Variants in INTS1 observed in about 807,000 individuals in gnomAD.
INTS1 encodes the protein integrator complex subunit 1.
INTS1 carries 137 observed loss-of-function variants against 241.6 expected under a neutral mutation model. The ratio of observed to expected loss-of-function variants is 0.57; its 90% CI spans 0.49 to 0.65. INTS1 has a LOEUF of 0.65. INTS1 is among the 30% of genes least tolerant of loss of function. The probability of loss-of-function intolerance (pLI) is 0.00; values close to 1 mark genes in which losing one functional copy is unlikely to be tolerated. For missense variants in INTS1, 3,073 were observed against 3,032.2 expected (o/e 1.01, Z -0.32); for synonymous variants, 1,692 against 1,337.8 (o/e 1.26, Z -5.78).
At position 1,495,347 on chromosome 7, in the gene INTS1, G is replaced by A; in HGVS notation, c.1832+86C>T. ...GGCCTGGCTTGTCCTGGCTCAGTGGGGTTTGGGGCAGGGGTTGTGCGGGGC... is the reference window on the plus strand; with the variant it reads ...GGCCTGGCTTGTCCTGGCTCAGTGGAGTTTGGGGCAGGGGTTGTGCGGGGC... On this transcript the variant is annotated intron_variant, in intron 13 of 47. Transcript: ENST00000404767. 4 of 1,489,524 alleles carry A rather than the reference G, an allele frequency of 2.7e-6. No homozygotes were observed. In the East Asian group the frequency reaches 6.9e-5, roughly 26 times the overall value. 92.3% of individuals were successfully genotyped at this position (1,489,524 alleles called of 1,614,324 possible).
intron 12 of INTS1, 35 bp downstream of exon 12, chr7:1,496,121 C>T (rs1008843401): frequency 1.7e-5 from 26 of 1,560,790 alleles, no homozygotes; most frequent in Non-Finnish European, 2.3e-5. Flanking sequence ...CCGAGACCCC[C>T]ACCAAGCAGG....
chr7:1,470,773 G>T, intron 47 of INTS1, 73 bp downstream of exon 47: 1 of 1,473,640 alleles, frequency 6.8e-7, no homozygotes, highest in Non-Finnish European at 9.1e-7. Flanking sequence ...ACTCCCAAGA[G>T]CCAGCCCTCG....
At position 1,499,026 on chromosome 7, in the gene INTS1, C is replaced by G; in HGVS notation, c.1086G>C (p.Glu362Asp). 1 of 1,571,484 alleles carries G rather than the reference C, an allele frequency of 6.4e-7. No individual in the cohort carries two copies. The highest frequency in any genetic ancestry group is 8.6e-7 in the Non-Finnish European group (1 of 1,159,746). ...GCTTCTGCACCGCCAGCAGCCGCAC[C>G]TCCTTATAGCCGCAGGTGGAGGTGA... is the stretch of plus-strand genomic sequence containing the variant. ...RLLTSTCGYKEVRLLAVQKLE... is the reference protein window; with the variant it reads ...RLLTSTCGYKDVRLLAVQKLE... Residue 362 changes from glutamate (E) to aspartate (D), a missense_variant, in exon 8 of 48, where the codon GAG (glutamate) becomes GAC (aspartate). By Grantham distance (45) the Glu-to-Asp change is conservative. Transcript: ENST00000404767.
At chr7:1,484,968 C>G in intron 24 of INTS1, 130 bp downstream of exon 24, 1 of 553,788 alleles carries the variant, frequency 1.8e-6, no homozygotes, top group Non-Finnish European at 3.2e-6. Context: ...CAGGGCCACA[C>G]TGCCGGCTGG....
intron 20 of INTS1, 22 bp downstream of exon 20, chr7:1,487,298 C>A: frequency 6.4e-7 from 1 of 1,571,688 alleles, no homozygotes; most frequent in Non-Finnish European, 8.6e-7. Context: ...CCATCTCTAC[C>A]TCCTGGAGCC....
Position 1,496,229 on chromosome 7 carries a change from G to C in INTS1, c.1638C>G (p.Ala546=), listed in dbSNP as rs202054398. Reference sequence around the variant, plus strand: ...CTGTGATGCCCAGCATCATGGACACGGCCAGGACGTCGGTGATGTGCACCA... The same window carrying C: ...CTGTGATGCCCAGCATCATGGACACCGCCAGGACGTCGGTGATGTGCACCA... ...RFVVHITDVL[A]VSMMLGITAQ... Residue 546 remains alanine, a synonymous_variant, in exon 12 of 48, where the codon GCC becomes GCG. Coordinates refer to ENST00000404767, the MANE Select transcript of INTS1 (RefSeq NM_001080453.3). 1 of 1,613,700 alleles carries C rather than the reference G, an allele frequency of 6.2e-7. No homozygotes were observed. Among genetic ancestry groups the C allele is most frequent in the African/African-American group, 1.3e-5 (1 of 74,922 alleles).
chr7:1,483,498 G>A (rs564436808), intron 26 of INTS1: 1 of 576,118 alleles, frequency 1.7e-6, no homozygotes, highest in Admixed American at 2.8e-5. Context: ...AGGCCCTCCA[G>A]CTCAGGGCTC....
Position 1,481,520 on chromosome 7 carries a change from A to G in INTS1, c.3704-32T>C. ...GTGCACGCGCTCCGTAACGCCACCC[A>G]AAACCCGGGCAATGCGCACTCGGGA... On this transcript the variant is annotated intron_variant, in intron 27 of 47. Coordinates refer to ENST00000404767, the MANE Select transcript of INTS1 (RefSeq NM_001080453.3). This position sits in a 1 kb window ranked among gnomAD's most constrained non-coding sequence, Gnocchi z 6.8. 6.3e-7 allele frequency: 1 copy of G among 1,578,448 alleles called. No homozygotes were observed.
At chr7:1,489,736 G>A in intron 16 of INTS1, 54 bp from the exon 17 acceptor site, 2 of 1,304,222 alleles carry the variant, frequency 1.5e-6, no homozygotes, top group Non-Finnish European at 2.1e-6. Flanking sequence ...TCAGCGCCAA[G>A]GATCGGCCGG....
At position 1,486,784 on chromosome 7, in the gene INTS1, G is replaced by T; in HGVS notation, c.2827-10C>A. 1 of 1,611,540 alleles carries T rather than the reference G, an allele frequency of 6.2e-7. No homozygotes were observed. The highest frequency in any genetic ancestry group is 8.5e-7 in the Non-Finnish European group (1 of 1,179,348). On this transcript the variant is annotated splice_polypyrimidine_tract_variant and intron_variant, in intron 21 of 47. Coordinates refer to ENST00000404767, the MANE Select transcript of INTS1 (RefSeq NM_001080453.3). ...GCTGCTTCTGTTGCCTCTGCAGGGA[G>T]GAAGGGGCTCTCAGGGGTGCAGGTG...
chr7:1,471,506 G>A (rs1781467184), intron 45 of INTS1, 65 bp downstream of exon 45: 2 of 1,529,536 alleles, frequency 1.3e-6, no homozygotes, highest in African/African-American at 1.4e-5. Flanking sequence ...TTGGGGTGGT[G>A]GCCCTGCTGG....
At position 1,498,733 on chromosome 7, in the gene INTS1, G is replaced by C; in HGVS notation, c.1257C>G (p.Leu419=). The change falls in exon 9 of 48, where the codon CTC becomes CTG. Residue 419 remains leucine, a synonymous_variant. Transcript: ENST00000404767. ...LIKIRLKPKV[L]LNHFMLCIRE... The stretch of plus-strand genomic sequence containing the variant: ...TGATGCACAGCATGAAGTGGTTGAG[G>C]AGGACCTTGGGCTTGAGGCGGATCT... 1 of 1,559,804 alleles carries C rather than the reference G, an allele frequency of 6.4e-7. No homozygotes were observed. The highest frequency in any genetic ancestry group is 8.7e-7 in the Non-Finnish European group (1 of 1,151,798).
At chr7:1,494,638 C>T (rs773919605) in intron 14 of INTS1, 178 bp downstream of exon 14, 11 of 666,580 alleles carry the variant, frequency 1.7e-5, no homozygotes, top group South Asian at 5.3e-5. Context: ...GGCGCTGGGA[C>T]GCCAGCATGG....
At chr7:1,498,237 C>T in intron 10 of INTS1, 175 bp downstream of exon 10, 1 of 963,032 alleles carries the variant, frequency 1.0e-6, no homozygotes. Flanking sequence ...TGCACCCACT[C>T]TAGAAACGGC....
In INTS1 at chr7:1,497,644, G is replaced by A. The variant is rs564658727; in HGVS notation, c.1426-330C>T. Among the ~76,000 whole-genome samples the A allele has an allele frequency of 6.6e-6, 1 of 152,324 alleles. No homozygotes were observed. Among genetic ancestry groups the A allele is most frequent in the South Asian group, 2.1e-4 (1 of 4,832 alleles). Reference sequence around the variant, plus strand: ...CATCTCAGCCCACCCGTGCGCCACGGGCTGAACGGAAACCAAAGGCCACCA... The same window carrying A: ...CATCTCAGCCCACCCGTGCGCCACGAGCTGAACGGAAACCAAAGGCCACCA... On this transcript the variant is annotated intron_variant, in intron 10 of 47. Coordinates refer to ENST00000404767, the MANE Select transcript of INTS1 (RefSeq NM_001080453.3). The surrounding 1 kb of genome is among the most constrained non-coding windows in gnomAD (Gnocchi z 5.3).
rs1315629690 is a variant in INTS1, at chr7:1,498,689, C to T, written c.1283+18G>A. 8 of 1,545,316 alleles carry T rather than the reference C, an allele frequency of 5.2e-6. No homozygotes were observed. Among genetic ancestry groups the T allele is most frequent in the African/African-American group, 2.8e-5 (2 of 72,386 alleles). Reference sequence around the variant, plus strand: ...CCACTCCACCCGCACCCCCGCTCTGCCCCGGCTCGCCACGCACCTGATGCA... The same window carrying T: ...CCACTCCACCCGCACCCCCGCTCTGTCCCGGCTCGCCACGCACCTGATGCA... On this transcript the variant is annotated intron_variant, in intron 9 of 47. Transcript: ENST00000404767.
At position 1,487,885 on chromosome 7, in the gene INTS1, C is replaced by T; in HGVS notation, c.2391G>A (p.Gln797=). The T allele has an allele frequency of 3.1e-6, 5 of 1,613,608 alleles. No individual in the cohort carries two copies. The highest frequency in any genetic ancestry group is 4.2e-6 in the Non-Finnish European group (5 of 1,179,864). The change falls in exon 19 of 48, where the codon CAG becomes CAA. Residue 797 remains glutamine, a synonymous_variant. Transcript: ENST00000404767. ...TRTEMLNREL[Q]TAQREKQEIL... is the part of the protein sequence containing the mutation. ...TCTCCTGCTTCTCCCGCTGGGCGGT[C>T]TGCAGCTCACGGTTCAGCATCTCCG...
chr7:1,496,037 T>A (rs1485176160), intron 12 of INTS1, 119 bp downstream of exon 12: 18 of 716,608 alleles, frequency 2.5e-5, no homozygotes, highest in Non-Finnish European at 4.3e-5. Flanking sequence ...CGAGTAGCCG[T>A]GCTGCGGGAC....
At chr7:1,504,047 T>C in intron 1 of INTS1, 46 bp from the exon 2 acceptor site, 1 of 1,017,394 alleles carries the variant, frequency 9.8e-7, no homozygotes. Flanking sequence ...CATTCGCTCG[T>C]TCGCTCGCTC....
Sources: gnomAD v4.1 joint callset for allele counts (sites outside exome capture counted in the v4.1 genomes callset) on GRCh38, gnomAD v4.1.1 for gene constraint, Gnocchi (gnomAD v3.1) non-coding constraint, MANE v1.5 for transcripts, NCBI Gene and HGNC (gene_info 2026-07-23, HGNC 2026-07-21) for gene names.